The following CNTNAP2 variants were observed in gnomAD, a reference collection of about 807,000 sequenced individuals.
CNTNAP2 encodes contactin-associated protein-like 2.
A neutral mutation model predicts 155.2 loss-of-function variants in CNTNAP2; 98 were observed. That is an observed-to-expected ratio of 0.63 (90% CI 0.54 to 0.75). The LOEUF (loss-of-function observed/expected upper bound fraction) is 0.75. Ranked by LOEUF, CNTNAP2 falls within the 30% of genes least tolerant of loss-of-function variation. CNTNAP2 has a pLI of 0.00. For synonymous variants in CNTNAP2, 651 were observed against 631.2 expected (o/e 1.03, Z -0.47); for missense variants, 1,727 against 1,688.1 (o/e 1.02, Z -0.40).
intron 1 of CNTNAP2, among the ~76,000 whole-genome samples, chr7:146,194,416 C>T (rs116168145): frequency 0.015 from 2,316 of 152,230 alleles, 51 homozygotes; most frequent in African/African-American, 0.052. Flanking sequence ...AGAACGTTTG[C>T]AGGGAAATTT....
At chr7:147,075,893 G>C (rs1799989215) in intron 4 of CNTNAP2, among the ~76,000 whole-genome samples, 1 of 151,986 alleles carries the variant, frequency 6.6e-6, no homozygotes, top group Admixed American at 6.6e-5. Context: ...TTGGTTTTCT[G>C]TACCTGCGAT....
At chr7:147,791,410 T>C (rs1299722498) in intron 13 of CNTNAP2, among the ~76,000 whole-genome samples, 5 of 151,962 alleles carry the variant, frequency 3.3e-5, no homozygotes, top group Admixed American at 2.6e-4. Context: ...TTGTTTGATA[T>C]ATATAGTCTT....
chr7:147,129,630 T>C (rs887684744), intron 7 of CNTNAP2, among the ~76,000 whole-genome samples: 2 of 152,064 alleles, frequency 1.3e-5, no homozygotes, highest in Non-Finnish European at 2.9e-5. Context: ...ACCCATACAA[T>C]AAGAAGATAT....
intron 4 of CNTNAP2, among the ~76,000 whole-genome samples, chr7:147,075,685 G>A (rs1799984346): frequency 6.6e-6 from 1 of 151,778 alleles, no homozygotes; most frequent in South Asian, 2.1e-4. Context: ...ACAACGTGCA[G>A]GTTTGTTACA....
intron 4 of CNTNAP2, among the ~76,000 whole-genome samples, chr7:147,101,269 T>C (rs969792630): frequency 3.3e-5 from 5 of 152,196 alleles, no homozygotes; most frequent in Non-Finnish European, 7.3e-5. Context: ...AAAAGGTCTT[T>C]CCAGCTTCTG....
intron 3 of CNTNAP2, among the ~76,000 whole-genome samples, chr7:146,899,917 C>T (rs1386218142): frequency 6.6e-6 from 1 of 152,078 alleles, no homozygotes; most frequent in Non-Finnish European, 1.5e-5. Flanking sequence ...AGTATCTCAT[C>T]CCTTAAAGAT....
chr7:147,695,592 G>A (rs1796148824), intron 13 of CNTNAP2, among the ~76,000 whole-genome samples: 1 of 152,194 alleles, frequency 6.6e-6, no homozygotes. Context: ...GAGGTCAGGA[G>A]TTCAAGACCA....
At position 147,775,350 on chromosome 7, in the gene CNTNAP2, T is replaced by A. The variant is rs1563084641; in HGVS notation, c.2099-128215T>A. ...ATATATATTTATAAATATATATATT[T>A]ATATATATTTATAAATATATATATA... On this transcript the variant is annotated intron_variant, in intron 13 of 23. Transcript: ENST00000361727. 4.2e-4 allele frequency among the ~76,000 whole-genome samples: 15 copies of A among 35,934 alleles called. No homozygotes were observed. The African/African-American group carries it at 4.5e-3, about 11-fold the overall frequency. 23.6% of individuals were successfully genotyped at this position (35,934 alleles called of 152,430 possible). A position where few individuals can be genotyped will look rare whatever the true frequency, so the allele number is the denominator to read the frequency against.
intron 4 of CNTNAP2, chr7:147,085,808 C>T (rs1800264297): frequency 6.6e-6 from 1 of 152,112 alleles, no homozygotes; most frequent in Non-Finnish European, 1.5e-5. Context: ...ACAAGTTGTC[C>T]TCTGGTCCAG....
intron 15 of CNTNAP2, among the ~76,000 whole-genome samples, chr7:148,059,765 T>TTA (rs920818405): frequency 2.0e-4 from 29 of 148,634 alleles, no homozygotes; most frequent in Admixed American, 1.3e-3. Flanking sequence ...TATATTTAAA[T>TTA]TATATATATA....
At chr7:146,634,566 T>C (rs891353238) in intron 1 of CNTNAP2, among the ~76,000 whole-genome samples, 1 of 152,206 alleles carries the variant, frequency 6.6e-6, no homozygotes, top group Non-Finnish European at 1.5e-5. Context: ...CAGATGATCT[T>C]TCTTTGGAGA....
intron 5 of CNTNAP2, among the ~76,000 whole-genome samples, chr7:147,113,079 G>T (rs1312353740): frequency 6.6e-6 from 1 of 151,954 alleles, no homozygotes; most frequent in Non-Finnish European, 1.5e-5. Context: ...TTATTGGTCT[G>T]GCTTAGGGAA....
intron 1 of CNTNAP2, among the ~76,000 whole-genome samples, chr7:146,721,529 C>CTATATACATTCTATATATATTCTA (rs1801315514): frequency 9.3e-6 from 1 of 106,958 alleles, no homozygotes. Flanking sequence ...TATATATATT[C>CTATATACATTCTATATATATTCTA]TATATACATT....
chr7:148,243,494 G>T (rs1796196672), intron 20 of CNTNAP2, among the ~76,000 whole-genome samples: 1 of 152,168 alleles, frequency 6.6e-6, no homozygotes, highest in South Asian at 2.1e-4. Context: ...GTTCCACATG[G>T]CTGGGGAAGT....
intron 21 of CNTNAP2, among the ~76,000 whole-genome samples, chr7:148,314,393 C>T (rs1168503832): frequency 6.6e-6 from 1 of 152,168 alleles, no homozygotes; most frequent in Non-Finnish European, 1.5e-5. Flanking sequence ...TTTGGAACCA[C>T]TGTCAAGTTT....
chr7:147,903,505 T>C (rs1420316246), intron 13 of CNTNAP2, 60 bp from the exon 14 acceptor site: 11 of 1,562,280 alleles, frequency 7.0e-6, no homozygotes, highest in Non-Finnish European at 9.7e-6. Context: ...GGTGTAAGTG[T>C]GGCAGTCTAA....
At chr7:147,174,595 A>T (rs2116484164) in intron 8 of CNTNAP2, among the ~76,000 whole-genome samples, 1 of 152,272 alleles carries the variant, frequency 6.6e-6, no homozygotes, top group East Asian at 1.9e-4. Flanking sequence ...ATCCACATAG[A>T]TTATACATAT....
At chr7:146,380,415 T>A (rs1408700530) in intron 1 of CNTNAP2, among the ~76,000 whole-genome samples, 1 of 152,192 alleles carries the variant, frequency 6.6e-6, no homozygotes, top group Admixed American at 6.5e-5. Flanking sequence ...TTTTTTTCTC[T>A]AAAAGTAACT....
At chr7:146,495,959 C>A (rs1485487896) in intron 1 of CNTNAP2, among the ~76,000 whole-genome samples, 1 of 152,088 alleles carries the variant, frequency 6.6e-6, no homozygotes, top group African/African-American at 2.4e-5. Context: ...ATTGTGAGTA[C>A]TGGATTAGGA....
Sources: allele counts gnomAD v4.1 joint callset (sites outside exome capture counted in the v4.1 genomes callset), GRCh38; gene constraint gnomAD v4.1.1; transcripts MANE v1.5; gene names NCBI Gene and HGNC (gene_info 2026-07-23, HGNC 2026-07-21).